C4orf50: variants seen among roughly 807,000 people sequenced by gnomAD.
C4orf50 encodes the protein uncharacterized protein C4orf50.
C4orf50 carries 80 observed loss-of-function variants against 77.2 expected under a neutral mutation model. The ratio of observed to expected loss-of-function variants is 1.04; its 90% confidence interval spans 0.87 to 1.25. C4orf50 has a LOEUF of 1.25. Among genes scored for constraint, C4orf50 ranks in the 50% most tolerant of loss-of-function variants. The pLI is 0.00. For synonymous variants in C4orf50, 532 were observed against 465.3 expected, an observed-to-expected ratio of 1.14 and a Z score of -1.84; for missense variants, 1,257 against 1,152.9, an observed-to-expected ratio of 1.09 and a Z score of -1.31.
At chr4:5,910,230 T>C (rs538578019) in intron 7 of C4orf50, among the ~76,000 whole-genome samples, 19 of 152,262 alleles carry the variant, frequency 1.2e-4, no homozygotes, top group Admixed American at 3.3e-4. Flanking sequence ...CATGAGAAAA[T>C]GTGAACAGAG....
intron 28 of C4orf50, among the ~76,000 whole-genome samples, chr4:5,986,942 A>G (rs887403592): frequency 2.0e-5 from 3 of 152,208 alleles, no homozygotes; most frequent in Non-Finnish European, 2.9e-5. Flanking sequence ...AATCCTTAGA[A>G]ACTATTTTGA....
rs568723559 is a variant in C4orf50, at chr4:5,968,136, A to G, written c.4105-674T>C. On this transcript the variant is annotated intron_variant, in intron 31 of 33. Transcript: ENST00000531445. The stretch of plus-strand genomic sequence containing the variant: ...TGTCTCCACTTCCAACATCCTGGTC[A>G]TGCTCTTCCTCCAGGTATAGGAGGC... Among the ~76,000 whole-genome samples, 172 of 152,306 alleles carry G rather than the reference A, an allele frequency of 1.1e-3. 1 individual carries two copies. Among genetic ancestry groups the G allele is most frequent in the Non-Finnish European group, 1.9e-3 (130 of 68,022 alleles).
chr4:5,925,977 G>T (rs1717494790), intron 7 of C4orf50, among the ~76,000 whole-genome samples: 1 of 152,232 alleles, frequency 6.6e-6, no homozygotes, highest in Admixed American at 6.5e-5. Context: ...GCAGAGAGGG[G>T]TTCCTGTGGA....
In C4orf50 at chr4:5,970,524, C is replaced by A. The variant is rs1436249985; in HGVS notation, c.4105-3062G>T. On this transcript the variant is annotated intron_variant, in intron 31 of 33. Coordinates refer to ENST00000531445, the Ensembl canonical transcript of C4orf50. The surrounding 1 kb of genome is among the most constrained non-coding windows in gnomAD (Gnocchi z 4.3). ...GACGCTAGTGACCCGGATGGCACAACAGCAGATGCCAGCACAGACAGCGGT... is the reference window on the plus strand; with the variant it reads ...GACGCTAGTGACCCGGATGGCACAAAAGCAGATGCCAGCACAGACAGCGGT... Among the ~76,000 whole-genome samples, 1 of 152,190 alleles carries A rather than the reference C, an allele frequency of 6.6e-6. No individual in the cohort carries two copies. The highest frequency in any genetic ancestry group is 1.5e-5 in the Non-Finnish European group (1 of 68,038).
chr4:5,897,853 C>T (rs942812183), exon 8 of C4orf50: 2 of 152,146 alleles, frequency 1.3e-5, no homozygotes, highest in African/African-American at 4.8e-5. Flanking sequence ...GATAGCTGCC[C>T]CAGGACCCGA....
rs567906579 is a variant in C4orf50, at chr4:5,920,966, T to C, written c.*2475-22778A>G. Among the ~76,000 whole-genome samples the C allele has an allele frequency of 3.4e-3, 397 of 118,372 alleles. 1 individual carries two copies. Among genetic ancestry groups the C allele is most frequent in the Non-Finnish European group, 6.8e-3 (332 of 48,804 alleles). 77.7% of individuals were successfully genotyped at this position (118,372 alleles called of 152,430 possible). ...TCGGGTTGTACGATGCTTCCAGGAG[T>C]GGCAGGAGCAGTGGACAGTCACCCT... On this transcript the variant is annotated intron_variant, in intron 7 of 7. Transcript: ENST00000324058.
intron 7 of C4orf50, among the ~76,000 whole-genome samples, chr4:5,951,840 C>T (rs1246416974): frequency 2.0e-5 from 3 of 152,148 alleles, no homozygotes; most frequent in Non-Finnish European, 4.4e-5. Context: ...AAACTCGGGC[C>T]CTCTCCTCCT....
Position 5,905,678 on chromosome 4 carries a change from G to T in C4orf50, c.*2475-7490C>A, listed in dbSNP as rs1716515472. 6.6e-6 allele frequency among the ~76,000 whole-genome samples: 1 copy of T among 152,188 alleles called. No individual in the cohort carries two copies. Among genetic ancestry groups the T allele is most frequent in the African/African-American group, 2.4e-5 (1 of 41,432 alleles). On this transcript the variant is annotated intron_variant, in intron 7 of 7. Transcript: ENST00000324058. This position sits in a 1 kb window ranked among gnomAD's most constrained non-coding sequence, Gnocchi z 5.4. ...TTAGATAATGCTCTCTTTATTTGGG[G>T]TGCTTCAGACCCTTGACATGATATG...
chr4:6,005,013 C>T (rs550474766), intron 25 of C4orf50, among the ~76,000 whole-genome samples: 5 of 152,286 alleles, frequency 3.3e-5, no homozygotes, highest in South Asian at 2.1e-4. Flanking sequence ...TCCCATTTCA[C>T]ACTTGGGAAC....
chr4:5,938,717 A>G (rs982390411), intron 7 of C4orf50, among the ~76,000 whole-genome samples: 3 of 152,054 alleles, frequency 2.0e-5, no homozygotes, highest in African/African-American at 7.2e-5. Flanking sequence ...ATATCACACT[A>G]ATCAAGACAA....
At chr4:5,980,269 C>G in exon 29 of C4orf50, 8 of 1,613,036 alleles carry the variant, frequency 5.0e-6, no homozygotes, top group Non-Finnish European at 6.8e-6. Flanking sequence ...AGGGTCAGCA[C>G]CCGGTGATGG....
intron 25 of C4orf50, among the ~76,000 whole-genome samples, chr4:5,996,796 G>T (rs1449167088): frequency 3.3e-5 from 5 of 152,238 alleles, no homozygotes; most frequent in Non-Finnish European, 5.9e-5. Flanking sequence ...GAGGGCCTGG[G>T]CAGCGACATC....
rs1188193843 is a variant in C4orf50, at chr4:5,980,440, TTTG to T, written c.3700-105_3700-103del. ...GTTTCCCCACTCCGTAGTTTTTTTT[TTTG>T]TTGTTGTTGTTTTCCTGCTTATATT... On this transcript the variant is annotated intron_variant, in intron 28 of 33. Coordinates refer to ENST00000531445, the Ensembl canonical transcript of C4orf50. 4,062 of 1,095,512 alleles carry T rather than the reference TTTG, an allele frequency of 3.7e-3. 19 individuals carry two copies. The highest frequency in any genetic ancestry group is 8.7e-3 in the Middle Eastern group (41 of 4,692). The allele number at this position is 1,095,512 out of a possible 1,614,324, so 67.9% of individuals were successfully genotyped here.
chr4:5,897,858 ACCCGAGGC>A (rs1560530031), exon 8 of C4orf50: 1 of 152,066 alleles, frequency 6.6e-6, no homozygotes, highest in East Asian at 1.9e-4. Context: ...CTGCCCCAGG[ACCCGAGGC>A]AGGTCCTGCT....
intron 26 of C4orf50, among the ~76,000 whole-genome samples, chr4:5,993,743 G>A (rs970988035): frequency 6.7e-6 from 1 of 149,016 alleles, no homozygotes; most frequent in Non-Finnish European, 1.5e-5. Context: ...CTTGAACCCG[G>A]GAGCTTGAGG....
intron 30 of C4orf50, among the ~76,000 whole-genome samples, chr4:5,975,273 T>G (rs956928901): frequency 6.6e-6 from 1 of 151,332 alleles, no homozygotes; most frequent in Non-Finnish European, 1.5e-5. Flanking sequence ...GGTGATTTTA[T>G]GGACCAAGGC....
intron 30 of C4orf50, among the ~76,000 whole-genome samples, chr4:5,974,723 T>A (rs1159054658): frequency 1.3e-5 from 2 of 152,204 alleles, no homozygotes; most frequent in African/African-American, 4.8e-5. Flanking sequence ...ATGTGTTACC[T>A]TGACCAAATT....
chr4:5,985,214 T>C (rs1360760791), intron 28 of C4orf50, among the ~76,000 whole-genome samples: 1 of 151,708 alleles, frequency 6.6e-6, no homozygotes, highest in African/African-American at 2.4e-5. Context: ...CACCAGAAAA[T>C]TATCACTACA....
chr4:5,989,776 T>C (rs1173085714), exon 28 of C4orf50: 2 of 1,526,588 alleles, frequency 1.3e-6, no homozygotes, highest in Admixed American at 3.9e-5. Context: ...AAGCATTTCC[T>C]TGCTCTCATG....
Sources: allele counts gnomAD v4.1 joint callset (sites outside exome capture counted in the v4.1 genomes callset), GRCh38; gene constraint gnomAD v4.1.1; non-coding constraint Gnocchi (gnomAD v3.1); transcripts MANE v1.5; gene names NCBI Gene and HGNC (gene_info 2026-07-23, HGNC 2026-07-21).